The following FOXP2 variants were observed in gnomAD, a reference collection of about 807,000 sequenced individuals.
The protein encoded by FOXP2 is forkhead box protein P2.
A neutral mutation model predicts 115.8 loss-of-function variants in FOXP2; 12 were observed. The ratio of observed to expected loss-of-function variants is 0.10; its 90% CI spans 0.07 to 0.17. The LOEUF (loss-of-function observed/expected upper bound fraction) is 0.17, where lower values mean the gene tolerates loss of function less well. Among genes scored for constraint, FOXP2 ranks in the 10% least tolerant of loss-of-function variants. The probability of loss-of-function intolerance (pLI) is 1.00; values close to 1 mark genes in which losing one functional copy is unlikely to be tolerated. For synonymous variants in FOXP2, 328 were observed against 297.7 expected (o/e 1.10, Z -1.05); for missense variants, 629 against 843.5 (o/e 0.75, Z 3.15).
At chr7:114,463,051 C>A in intron 2 of FOXP2, 1 of 432,986 alleles carries the variant, frequency 2.3e-6, no homozygotes, top group South Asian at 1.7e-5. Flanking sequence ...TTTTTAGAGA[C>A]AGGGTCTTGT....
At chr7:114,663,134 G>A (rs1563408) in intron 14 of FOXP2, among the ~76,000 whole-genome samples, 59,300 of 151,782 alleles carry the variant, frequency 0.39, 12,414 homozygotes, top group East Asian at 0.49. Flanking sequence ...TAAAAATTTT[G>A]TATGAATGTT....
At chr7:114,179,212 T>G (rs184322796) in intron 1 of FOXP2, among the ~76,000 whole-genome samples, 2 of 152,164 alleles carry the variant, frequency 1.3e-5, no homozygotes, top group African/African-American at 4.8e-5. Flanking sequence ...AGATTGACTT[T>G]GTTGGCTTTT....
At chr7:114,445,126 G>C (rs752406214) in intron 2 of FOXP2, among the ~76,000 whole-genome samples, 4 of 151,228 alleles carry the variant, frequency 2.6e-5, no homozygotes, top group Non-Finnish European at 4.4e-5. Flanking sequence ...TTCATACCTC[G>C]TACATTTCTA....
chr7:114,166,597 C>T (rs574459708), intron 1 of FOXP2, among the ~76,000 whole-genome samples: 48 of 152,136 alleles, frequency 3.2e-4, no homozygotes, highest in Middle Eastern at 6.8e-3. Flanking sequence ...CCCAGCTCCT[C>T]GGGAGGCTGA....
chr7:114,488,694 G>C, intron 2 of FOXP2, among the ~76,000 whole-genome samples: 1 of 152,102 alleles, frequency 6.6e-6, no homozygotes, highest in East Asian at 1.9e-4. Context: ...GATAAATTTG[G>C]AGTTCAAGGT....
intron 1 of FOXP2, among the ~76,000 whole-genome samples, chr7:114,241,029 T>G (rs919925887): frequency 6.6e-6 from 1 of 152,012 alleles, no homozygotes; most frequent in African/African-American, 2.4e-5. Flanking sequence ...TCCATAAGAT[T>G]TTATTATTTT....
intron 1 of FOXP2, among the ~76,000 whole-genome samples, chr7:114,120,234 A>G (rs1210910178): frequency 6.6e-6 from 1 of 152,116 alleles, no homozygotes; most frequent in Admixed American, 6.6e-5. Flanking sequence ...ACATGCTAGG[A>G]GAACAGACAG....
intron 1 of FOXP2, among the ~76,000 whole-genome samples, chr7:114,286,627 G>T (rs1200988502): frequency 3.9e-5 from 6 of 152,034 alleles, no homozygotes; most frequent in Non-Finnish European, 5.9e-5. Context: ...AAATTTTATT[G>T]TTAAGAGAAA....
At chr7:114,444,424 A>T (rs1192468979) in intron 2 of FOXP2, among the ~76,000 whole-genome samples, 1 of 152,126 alleles carries the variant, frequency 6.6e-6, no homozygotes, top group African/African-American at 2.4e-5. Flanking sequence ...CCACAACCAC[A>T]AGTGTGGTGG....
At chr7:114,607,577 G>C (rs550073118) in intron 3 of FOXP2, among the ~76,000 whole-genome samples, 3 of 152,262 alleles carry the variant, frequency 2.0e-5, no homozygotes, top group African/African-American at 7.2e-5. Flanking sequence ...TTGCTTTGGA[G>C]AGATAATAGT....
chr7:114,186,109 T>A (rs1793598239), intron 1 of FOXP2, among the ~76,000 whole-genome samples: 1 of 152,140 alleles, frequency 6.6e-6, no homozygotes, highest in Non-Finnish European at 1.5e-5. Flanking sequence ...ACTGTTACAA[T>A]GGCAACTGAA....
chr7:114,508,630 C>T (rs904345554), intron 2 of FOXP2, among the ~76,000 whole-genome samples: 1 of 151,230 alleles, frequency 6.6e-6, no homozygotes, highest in African/African-American at 2.5e-5. Context: ...TCACTTTTGA[C>T]CTATTAAGTT....
intron 2 of FOXP2, among the ~76,000 whole-genome samples, chr7:114,308,845 C>T (rs1033696150): frequency 3.9e-5 from 6 of 152,074 alleles, no homozygotes; most frequent in Admixed American, 2.6e-4. Context: ...TAGACTGAAA[C>T]GGTGCCATTG....
rs776653007 is a variant in FOXP2 at position 114,495,483 on chromosome 7, C to CTCTTTT, written c.169-39133_169-39132insCTTTTT. On this transcript the variant is annotated intron_variant, in intron 2 of 16. Transcript: ENST00000350908. ...TTCTTTGTTTTTTCTTTCTCTCTCT[C>CTCTTTT]TTTTTTTTTTTTTTTTTTTTTTTTT... Among the ~76,000 whole-genome samples, 155 of 61,468 alleles carry CTCTTTT rather than the reference C, an allele frequency of 2.5e-3. 3 individuals carry two copies. Among genetic ancestry groups the CTCTTTT allele is most frequent in the East Asian group, 3.8e-3 (6 of 1,564 alleles). The allele number at this position is 61,468 out of a possible 152,430, so 40.3% of individuals were successfully genotyped here. A position where few individuals can be genotyped will look rare whatever the true frequency, so the allele number is the denominator to read the frequency against.
chr7:114,237,198 G>C (rs770484976), intron 1 of FOXP2, among the ~76,000 whole-genome samples: 1 of 152,192 alleles, frequency 6.6e-6, no homozygotes, highest in Middle Eastern at 3.4e-3. Flanking sequence ...ACATTTGTAC[G>C]AGTATGAGTG....
chr7:114,108,417 C>T (rs1584483321), intron 1 of FOXP2, among the ~76,000 whole-genome samples: 1 of 151,796 alleles, frequency 6.6e-6, no homozygotes, highest in East Asian at 1.9e-4. Context: ...TTAGGATTTT[C>T]TGCTTTTGTT....
chr7:114,225,258 G>A (rs1010297376), intron 1 of FOXP2, among the ~76,000 whole-genome samples: 1 of 151,848 alleles, frequency 6.6e-6, no homozygotes, highest in African/African-American at 2.4e-5. Context: ...TTCAAAGTTT[G>A]CTAGCATTTA....
chr7:114,190,702 C>T (rs1366795793), intron 1 of FOXP2, among the ~76,000 whole-genome samples: 6 of 152,160 alleles, frequency 3.9e-5, no homozygotes, highest in Admixed American at 2.6e-4. Context: ...TTTTCTCCCT[C>T]CCTCTTTTCT....
intron 3 of FOXP2, among the ~76,000 whole-genome samples, chr7:114,569,151 A>C (rs1409987782): frequency 1.3e-5 from 2 of 151,922 alleles, no homozygotes; most frequent in African/African-American, 4.8e-5. Flanking sequence ...GGTATGGAAT[A>C]GCATTTCATT....
Sources: gnomAD v4.1 joint callset for allele counts (sites outside exome capture counted in the v4.1 genomes callset) on GRCh38, gnomAD v4.1.1 for gene constraint, MANE v1.5 for transcripts, NCBI Gene and HGNC (gene_info 2026-07-23, HGNC 2026-07-21) for gene names.